Variants in PDE4D observed in about 807,000 individuals in gnomAD.
PDE4D encodes phosphodiesterase 4D, also known as 3',5'-cyclic-AMP phosphodiesterase 4D.
PDE4D carries 24 observed loss-of-function variants against 87.4 expected under a neutral mutation model. The observed-to-expected ratio is 0.27, with a 90% confidence interval of 0.20 to 0.39. The LOEUF (loss-of-function observed/expected upper bound fraction) is 0.39, where lower values mean the gene tolerates loss of function less well. PDE4D is among the 10% of genes least tolerant of loss of function. The pLI is 1.00. For synonymous variants in PDE4D, 384 were observed against 383.2 expected, an observed-to-expected ratio of 1.00 and a Z score of -0.02; for missense variants, 714 against 1,041.0, an observed-to-expected ratio of 0.69 and a Z score of 4.32.
chr5:59,601,821 C>G (rs765932545), intron 1 of PDE4D, among the ~76,000 whole-genome samples: 3 of 152,116 alleles, frequency 2.0e-5, no homozygotes, highest in Non-Finnish European at 2.9e-5. Flanking sequence ...CTAACTTGTA[C>G]TGCTAGGTTA....
At chr5:59,244,353 G>T (rs918423397) in intron 1 of PDE4D, among the ~76,000 whole-genome samples, 1 of 151,766 alleles carries the variant, frequency 6.6e-6, no homozygotes, top group Non-Finnish European at 1.5e-5. Context: ...AGCCAAGATT[G>T]TGCCACTGCA....
chr5:60,083,867 G>C (rs1324909548), intron 2 of PDE4D, among the ~76,000 whole-genome samples: 1 of 152,106 alleles, frequency 6.6e-6, no homozygotes, highest in Non-Finnish European at 1.5e-5. Context: ...TTATGGTCTG[G>C]CCTGGTGGGA....
intron 1 of PDE4D, among the ~76,000 whole-genome samples, chr5:59,816,280 G>A (rs1768964142): frequency 6.6e-6 from 1 of 152,110 alleles, no homozygotes; most frequent in Admixed American, 6.5e-5. Context: ...ACTAGATTTT[G>A]GTTTAATTCT....
At chr5:60,293,320 C>T (rs1385620876) in intron 1 of PDE4D, among the ~76,000 whole-genome samples, 1 of 152,016 alleles carries the variant, frequency 6.6e-6, no homozygotes, top group African/African-American at 2.4e-5. Context: ...CAAGACCATC[C>T]TGGCTAACAC....
At chr5:60,273,531 GA>G (rs1751033968) in intron 1 of PDE4D, among the ~76,000 whole-genome samples, 2 of 152,154 alleles carry the variant, frequency 1.3e-5, no homozygotes, top group African/African-American at 4.8e-5. Context: ...CTGCCATATG[GA>G]AAGTGGATTA....
intron 6 of PDE4D, among the ~76,000 whole-genome samples, chr5:59,002,267 T>G (rs1750697580): frequency 6.6e-6 from 1 of 152,170 alleles, no homozygotes; most frequent in Non-Finnish European, 1.5e-5. Context: ...ACAAATAATC[T>G]TTTTAGTGTG....
intron 1 of PDE4D, among the ~76,000 whole-genome samples, chr5:59,609,344 G>A (rs1363447397): frequency 4.8e-5 from 7 of 146,484 alleles, no homozygotes; most frequent in African/African-American, 1.8e-4. Flanking sequence ...TGAGCAGCAT[G>A]AGAAACACGT....
chr5:59,157,140 G>A (rs1402404667), intron 5 of PDE4D: 2 of 570,214 alleles, frequency 3.5e-6, no homozygotes, highest in East Asian at 2.8e-5. Flanking sequence ...ACCCAGGATG[G>A]TACATTTCCA....
chr5:59,227,651 A>G (rs141057548), intron 1 of PDE4D, among the ~76,000 whole-genome samples: 2 of 152,196 alleles, frequency 1.3e-5, no homozygotes, highest in African/African-American at 4.8e-5. Context: ...AAAATGCTCA[A>G]TATCACTAAT....
At chr5:60,143,884 G>C (rs1780774503) in intron 2 of PDE4D, among the ~76,000 whole-genome samples, 1 of 152,078 alleles carries the variant, frequency 6.6e-6, no homozygotes, top group African/African-American at 2.4e-5. Context: ...TCAAGAAGGA[G>C]AGCTTGGTGG....
intron 1 of PDE4D, among the ~76,000 whole-genome samples, chr5:59,445,774 T>A (rs1798253809): frequency 6.6e-6 from 1 of 152,192 alleles, no homozygotes; most frequent in Non-Finnish European, 1.5e-5. Flanking sequence ...CCTACCTATA[T>A]GGGGAAACAG....
chr5:60,433,955 G>A (rs1744563157), intron 1 of PDE4D, among the ~76,000 whole-genome samples: 2 of 152,038 alleles, frequency 1.3e-5, no homozygotes, highest in African/African-American at 4.8e-5. Flanking sequence ...ATGATCAGAA[G>A]ACTACATATT....
intron 2 of PDE4D, among the ~76,000 whole-genome samples, chr5:59,197,629 T>C (rs543779450): frequency 1.3e-5 from 2 of 152,348 alleles, no homozygotes; most frequent in African/African-American, 4.8e-5. Context: ...AAGTAAAACC[T>C]ATTTTTATTT....
chr5:59,800,565 G>C (rs975142587), intron 1 of PDE4D, among the ~76,000 whole-genome samples: 2 of 152,186 alleles, frequency 1.3e-5, no homozygotes, highest in African/African-American at 4.8e-5. Context: ...CTTTAGAAAA[G>C]TGATAAAAAT....
In PDE4D at chr5:58,974,825, C is replaced by A. The variant is rs1400645622; in HGVS notation, c.2269G>T (p.Glu757Ter). 2 of 1,613,472 alleles carry A rather than the reference C, an allele frequency of 1.2e-6. No homozygotes were observed. ...DTEKDSGSQV[E>*]EDTSCSDSKT... is the part of the protein sequence containing the mutation. The stretch of plus-strand genomic sequence containing the variant: ...GAGTCACTGCAGCTAGTGTCTTCTT[C>A]CACTTGACTGCCACTGTCCTTTTCC... The change falls in exon 15 of 15, where the codon GAA (glutamate) becomes TAA (stop). Residue 757 changes from glutamate (E) to a stop codon, truncating the protein, a stop_gained. Transcript: ENST00000340635. LOFTEE classifies it high-confidence loss of function.
At chr5:60,123,429 T>C (rs1393192154) in intron 2 of PDE4D, among the ~76,000 whole-genome samples, 3 of 151,980 alleles carry the variant, frequency 2.0e-5, no homozygotes, top group Non-Finnish European at 4.4e-5. Flanking sequence ...TTCTTACACG[T>C]CAGTGGCAAG....
At chr5:59,177,142 G>A (rs548548383) in intron 5 of PDE4D, among the ~76,000 whole-genome samples, 26 of 152,244 alleles carry the variant, frequency 1.7e-4, no homozygotes, top group African/African-American at 6.0e-4. Flanking sequence ...CCGGGCCTGT[G>A]GGAGGTGATT....
chr5:60,507,179 A>C (rs1750361731), intron 1 of PDE4D, among the ~76,000 whole-genome samples: 1 of 151,690 alleles, frequency 6.6e-6, no homozygotes, highest in Non-Finnish European at 1.5e-5. Context: ...TGTTGAAGCT[A>C]TTCTCCTGCC....
intron 1 of PDE4D, among the ~76,000 whole-genome samples, chr5:60,474,149 T>TATATATA (rs1212803987): frequency 1.1e-5 from 1 of 94,436 alleles, no homozygotes; most frequent in Non-Finnish European, 1.9e-5. Context: ...TATATATATA[T>TATATATA]AACAAAAACC....
Sources: gnomAD v4.1 joint callset for allele counts (sites outside exome capture counted in the v4.1 genomes callset) on GRCh38, gnomAD v4.1.1 for gene constraint, MANE v1.5 for transcripts, NCBI Gene and HGNC (gene_info 2026-07-23, HGNC 2026-07-21) for gene names.